UBR3: variants seen among roughly 807,000 people sequenced by gnomAD.
The protein encoded by UBR3 is ubiquitin protein ligase E3 component n-recognin 3.
A neutral mutation model predicts 243.2 loss-of-function variants in UBR3; 85 were observed. The observed-to-expected ratio is 0.35, with a 90% CI of 0.29 to 0.42. The LOEUF (loss-of-function observed/expected upper bound fraction) is 0.42. Among genes scored for constraint, UBR3 ranks in the 10% least tolerant of loss-of-function variants. The pLI is 1.00. For synonymous variants in UBR3, 748 were observed against 799.8 expected (o/e 0.94, Z 1.09); for missense variants, 1,686 against 2,300.8 (o/e 0.73, Z 5.47).
At chr2:169,833,337 T>G (rs2081995231) in intron 1 of UBR3, among the ~76,000 whole-genome samples, 1 of 152,234 alleles carries the variant, frequency 6.6e-6, no homozygotes, top group Non-Finnish European at 1.5e-5. Context: ...GAGTTTCATG[T>G]TCTGTCCTAT....
rs1205197187 is a variant in UBR3 at position 169,847,112 on chromosome 2, TGTGTGTGTGTGTGC to T, written c.545+19062_545+19075del. On this transcript the variant is annotated intron_variant, in intron 1 of 38. Transcript: ENST00000272793. Reference sequence around the variant, plus strand: ...GTGTGTGTGTGTGTGTGTGTGTGTGTGTGTGTGTGTGTGCGCTGGCAGTTGATCTTGTTTGGCCT... The same window carrying T: ...GTGTGTGTGTGTGTGTGTGTGTGTGTGCTGGCAGTTGATCTTGTTTGGCCT... 6.3e-3 allele frequency among the ~76,000 whole-genome samples: 317 copies of T among 50,414 alleles called. 1 individual carries two copies. The highest frequency in any genetic ancestry group is 0.026 in the Admixed American group (85 of 3,330). The allele number at this position is 50,414 out of a possible 152,430, so 33.1% of individuals were successfully genotyped here. A position where few individuals can be genotyped will look rare whatever the true frequency, so the allele number is the denominator to read the frequency against.
At chr2:170,059,882 T>G (rs1408727553) in intron 33 of UBR3, among the ~76,000 whole-genome samples, 2 of 152,170 alleles carry the variant, frequency 1.3e-5, no homozygotes, top group Non-Finnish European at 1.5e-5. Flanking sequence ...ATAAATTTCA[T>G]CAGTTAATTA....
At chr2:169,956,447 G>A (rs1253538774) in intron 23 of UBR3, among the ~76,000 whole-genome samples, 1 of 151,900 alleles carries the variant, frequency 6.6e-6, no homozygotes, top group Non-Finnish European at 1.5e-5. Flanking sequence ...GGGAAGAGAG[G>A]GGATGGGTAG....
chr2:169,995,991 T>A (rs1022999670), intron 26 of UBR3, among the ~76,000 whole-genome samples: 4 of 152,296 alleles, frequency 2.6e-5, no homozygotes, highest in Non-Finnish European at 2.9e-5. Context: ...AAAACATTAT[T>A]TTTAGTTAGC....
chr2:169,938,274 C>CT (rs113623124), intron 19 of UBR3, among the ~76,000 whole-genome samples: 359 of 141,864 alleles, frequency 2.5e-3, no homozygotes, highest in East Asian at 4.3e-3. Flanking sequence ...TTTCTTTCTC[C>CT]TTTTTTTTTT....
intron 8 of UBR3, among the ~76,000 whole-genome samples, chr2:169,899,659 G>A (rs1004714933): frequency 1.3e-5 from 2 of 150,602 alleles, no homozygotes; most frequent in Non-Finnish European, 3.0e-5. Context: ...TCCTCCCCCC[G>A]CCCCTTGCCC....
chr2:169,884,479 G>T (rs2084016438), intron 5 of UBR3, among the ~76,000 whole-genome samples: 1 of 152,118 alleles, frequency 6.6e-6, no homozygotes, highest in Non-Finnish European at 1.5e-5. Flanking sequence ...TAAAGCAGAA[G>T]AAAATATACT....
chr2:169,923,869 AC>A (rs2085801158), intron 11 of UBR3, 59 bp from the exon 12 acceptor site: 1 of 1,382,784 alleles, frequency 7.2e-7, no homozygotes, highest in East Asian at 2.5e-5. Context: ...ACATTTTACA[AC>A]CATCTTAAAA....
intron 11 of UBR3, among the ~76,000 whole-genome samples, chr2:169,923,529 AT>A (rs2085786803): frequency 3.0e-5 from 1 of 33,048 alleles, no homozygotes; most frequent in Non-Finnish European, 6.5e-5. Context: ...AATGAATGTT[AT>A]ATGTGACTGT....
chr2:169,879,913 T>A (rs550362582), intron 5 of UBR3, among the ~76,000 whole-genome samples: 2 of 152,336 alleles, frequency 1.3e-5, no homozygotes, highest in South Asian at 2.1e-4. Flanking sequence ...TAAACATTAT[T>A]ATTTTAACTA....
chr2:169,870,930 A>AG (rs1273551415), intron 1 of UBR3, among the ~76,000 whole-genome samples: 3 of 151,930 alleles, frequency 2.0e-5, no homozygotes, highest in Non-Finnish European at 2.9e-5. Flanking sequence ...CTGGGATTAC[A>AG]GGCATGAGCC....
In UBR3 at chr2:169,904,537, AT is replaced by A. The variant is rs11381949; in HGVS notation, c.1466-568del. ...CCAATGATGTATTTAAACTTTGAGG[AT>A]TTTTTTTTCAAGGCTTAAGAAGTTG... On this transcript the variant is annotated intron_variant, in intron 8 of 38. Transcript: ENST00000272793. Among the ~76,000 whole-genome samples, 686 of 151,164 alleles carry A rather than the reference AT, an allele frequency of 4.5e-3. 1 individual carries two copies. The highest frequency in any genetic ancestry group is 0.015 in the African/African-American group (619 of 41,194).
chr2:169,973,838 C>T (rs1014806625), intron 24 of UBR3, among the ~76,000 whole-genome samples: 1 of 152,142 alleles, frequency 6.6e-6, no homozygotes, highest in African/African-American at 2.4e-5. Flanking sequence ...CTGGACTTGT[C>T]ATATACAGTC....
intron 33 of UBR3, among the ~76,000 whole-genome samples, chr2:170,057,725 A>G (rs929191819): frequency 1.3e-5 from 2 of 152,178 alleles, no homozygotes; most frequent in East Asian, 3.8e-4. Flanking sequence ...ACACTTAATA[A>G]AATACTTTAT....
chr2:170,014,342 C>A, intron 29 of UBR3: 1 of 147,220 alleles, frequency 6.8e-6, no homozygotes, highest in South Asian at 2.2e-4. Flanking sequence ...AAGCTTGAAA[C>A]TGTTTTTTTT....
chr2:169,835,125 A>G (rs2082043766), intron 1 of UBR3, among the ~76,000 whole-genome samples: 1 of 4,650 alleles, frequency 2.2e-4, no homozygotes, highest in Non-Finnish European at 2.7e-3. Context: ...ATGTGAATGT[A>G]CTTAATGCCA....
At chr2:170,051,674 T>C (rs2091220901) in intron 32 of UBR3, among the ~76,000 whole-genome samples, 2 of 152,088 alleles carry the variant, frequency 1.3e-5, no homozygotes, top group Admixed American at 1.3e-4. Context: ...AAAGAAAAAA[T>C]ATATGTATGT....
intron 24 of UBR3, among the ~76,000 whole-genome samples, chr2:169,972,823 A>T (rs1287863218): frequency 6.6e-6 from 1 of 151,876 alleles, no homozygotes; most frequent in East Asian, 1.9e-4. Flanking sequence ...GAATGAGCAA[A>T]AACTGGAAGC....
chr2:169,865,285 T>C (rs781051489), intron 1 of UBR3, among the ~76,000 whole-genome samples: 1 of 152,158 alleles, frequency 6.6e-6, no homozygotes, highest in Non-Finnish European at 1.5e-5. Flanking sequence ...TTATCAATTC[T>C]TTATTGAGCA....
Sources: allele counts gnomAD v4.1 joint callset (sites outside exome capture counted in the v4.1 genomes callset), GRCh38; gene constraint gnomAD v4.1.1; transcripts MANE v1.5; gene names NCBI Gene and HGNC (gene_info 2026-07-23, HGNC 2026-07-21).